The following DNM3 variants were observed in gnomAD, a reference collection of about 807,000 sequenced individuals.
The protein encoded by DNM3 is dynamin-3.
Under a neutral mutation model 101.6 loss-of-function variants are expected in DNM3, and 47 were observed. The ratio of observed to expected loss-of-function variants is 0.46; its 90% CI spans 0.37 to 0.59. DNM3 has a LOEUF of 0.59. DNM3 is among the 20% of genes least tolerant of loss of function. DNM3 has a pLI of 0.00. For missense variants in DNM3, 849 were observed against 1,085.7 expected (o/e 0.78, Z 3.06); for synonymous variants, 385 against 387.9 (o/e 0.99, Z 0.09).
chr1:172,260,795 T>G (rs2062612741), intron 15 of DNM3, among the ~76,000 whole-genome samples: 1 of 152,182 alleles, frequency 6.6e-6, no homozygotes, highest in Admixed American at 6.5e-5. Context: ...TTTAATGAGT[T>G]TTACAGATAT....
chr1:172,275,278 C>T (rs930440724), intron 15 of DNM3, among the ~76,000 whole-genome samples: 1 of 151,998 alleles, frequency 6.6e-6, no homozygotes, highest in African/African-American at 2.4e-5. Flanking sequence ...CAGAGGCTAT[C>T]ATCTGTGTGA....
intron 4 of DNM3, among the ~76,000 whole-genome samples, chr1:172,001,296 G>T (rs1291572792): frequency 6.6e-6 from 1 of 151,956 alleles, no homozygotes; most frequent in Non-Finnish European, 1.5e-5. Context: ...TTACACTGCT[G>T]CTCAAGGTGC....
intron 4 of DNM3, among the ~76,000 whole-genome samples, chr1:172,024,035 C>T (rs1360381760): frequency 6.6e-6 from 1 of 151,930 alleles, no homozygotes; most frequent in Non-Finnish European, 1.5e-5. Flanking sequence ...AATAAGTTCT[C>T]CTTTCTCTCA....
intron 15 of DNM3, among the ~76,000 whole-genome samples, chr1:172,280,582 T>C (rs1344997090): frequency 6.6e-6 from 1 of 152,198 alleles, no homozygotes; most frequent in Non-Finnish European, 1.5e-5. Flanking sequence ...GATAACTACA[T>C]GTTTTGTGAG....
intron 1 of DNM3, among the ~76,000 whole-genome samples, chr1:171,875,575 G>A (rs2035688037): frequency 6.6e-6 from 1 of 152,140 alleles, no homozygotes; most frequent in Admixed American, 6.5e-5. Flanking sequence ...ATTGGAATGA[G>A]CCTGAATACC....
chr1:172,147,092 G>T (rs1199089128), intron 14 of DNM3, among the ~76,000 whole-genome samples: 1 of 152,100 alleles, frequency 6.6e-6, no homozygotes, highest in African/African-American at 2.4e-5. Context: ...GTTTGTGGGT[G>T]CTCTTGCCTC....
intron 17 of DNM3, among the ~76,000 whole-genome samples, chr1:172,325,657 TC>T (rs2065909839): frequency 6.6e-6 from 1 of 152,170 alleles, no homozygotes; most frequent in Non-Finnish European, 1.5e-5. Flanking sequence ...AGATCTGGAT[TC>T]TTCAAAAGGA....
At chr1:172,042,243 A>G (rs2049440282) in intron 8 of DNM3, 99 bp downstream of exon 8, 7 of 1,173,794 alleles carry the variant, frequency 6.0e-6, no homozygotes, top group Admixed American at 7.4e-5. Context: ...TAGAACTAAC[A>G]TAGTTCTTTG....
chr1:172,389,063 A>C, intron 20 of DNM3: 1 of 509,456 alleles, frequency 2.0e-6, no homozygotes. Context: ...GTCCCAATGA[A>C]TGACATTTTG....
intron 20 of DNM3, among the ~76,000 whole-genome samples, chr1:172,405,639 T>C (rs2070825824): frequency 6.6e-6 from 1 of 152,052 alleles, no homozygotes; most frequent in African/African-American, 2.4e-5. Context: ...AATCACCTAA[T>C]TAATTCCATT....
chr1:172,362,632 GA>G (rs2067800296), intron 17 of DNM3, among the ~76,000 whole-genome samples: 1 of 151,718 alleles, frequency 6.6e-6, no homozygotes, highest in South Asian at 2.1e-4. Context: ...AAACATCTTT[GA>G]CCCAACCCTG....
At chr1:172,258,618 T>C (rs564573322) in intron 15 of DNM3, among the ~76,000 whole-genome samples, 1 of 152,228 alleles carries the variant, frequency 6.6e-6, no homozygotes, top group East Asian at 1.9e-4. Flanking sequence ...TTTTTATTTC[T>C]GATTTTGTTT....
intron 11 of DNM3, 29 bp downstream of exon 11, chr1:172,068,934 G>C: frequency 6.5e-7 from 1 of 1,545,900 alleles, no homozygotes; most frequent in Middle Eastern, 1.7e-4. Context: ...TGGTGGGCAG[G>C]GAGATTGTGG....
chr1:172,335,061 A>T (rs556532370), intron 17 of DNM3, among the ~76,000 whole-genome samples: 1 of 152,282 alleles, frequency 6.6e-6, no homozygotes, highest in Non-Finnish European at 1.5e-5. Context: ...TAATTTTCCA[A>T]CCTTAAAATC....
intron 17 of DNM3, among the ~76,000 whole-genome samples, chr1:172,349,306 CT>C (rs1040190584): frequency 6.6e-6 from 1 of 152,142 alleles, no homozygotes; most frequent in Non-Finnish European, 1.5e-5. Flanking sequence ...AATAACACAC[CT>C]TTTGAGGATT....
At chr1:172,346,394 C>A (rs560760417) in intron 17 of DNM3, among the ~76,000 whole-genome samples, 38 of 152,276 alleles carry the variant, frequency 2.5e-4, no homozygotes, top group Middle Eastern at 3.4e-3. Context: ...AGACAGAGAG[C>A]AAATCGTGCT....
intron 16 of DNM3, among the ~76,000 whole-genome samples, chr1:172,319,829 C>T (rs887702756): frequency 2.0e-5 from 3 of 152,092 alleles, no homozygotes; most frequent in Admixed American, 1.3e-4. Context: ...TGTGGTGATT[C>T]CTCAGGGATC....
At chr1:172,279,268 G>A (rs1463065536) in intron 15 of DNM3, among the ~76,000 whole-genome samples, 2 of 152,082 alleles carry the variant, frequency 1.3e-5, no homozygotes, top group African/African-American at 4.8e-5. Flanking sequence ...GAGTAGATTT[G>A]GATAGTGGAC....
intron 13 of DNM3, among the ~76,000 whole-genome samples, chr1:172,128,995 C>G (rs181527859): frequency 9.9e-5 from 15 of 152,074 alleles, no homozygotes; most frequent in Non-Finnish European, 1.5e-4. Flanking sequence ...TCTACTGATA[C>G]GTAGTTTTAA....
Sources: allele counts gnomAD v4.1 joint callset (sites outside exome capture counted in the v4.1 genomes callset), GRCh38; gene constraint gnomAD v4.1.1; transcripts MANE v1.5; gene names NCBI Gene and HGNC (gene_info 2026-07-23, HGNC 2026-07-21).